ZNF354B: variants seen among roughly 807,000 people sequenced by gnomAD.
ZNF354B encodes the protein zinc finger protein 354B.
ZNF354B carries 10 observed loss-of-function variants against 12.9 expected under a neutral mutation model. The observed-to-expected ratio is 0.77, with a 90% CI of 0.48 to 1.31. ZNF354B has a LOEUF of 1.31. ZNF354B is among the 40% of genes most tolerant of loss of function. The pLI, the probability that ZNF354B is intolerant of heterozygous loss-of-function variation, is 0.00. For synonymous variants in ZNF354B, 260 were observed against 243.7 expected, an observed-to-expected ratio of 1.07 and a Z score of -0.62; for missense variants, 614 against 711.7, an observed-to-expected ratio of 0.86 and a Z score of 1.56.
rs1350231064 is a variant in ZNF354B at position 178,866,333 on chromosome 5, T to C, written c.123T>C (p.Asp41=). The part of the protein sequence containing the change: ...LAPSQRNLYR[D]VMLENYRNLV... ...CTTCTCAGAGAAACTTGTACCGGGA[T>C]GTGATGCTGGAGAACTATAGGAACC... Residue 41 remains aspartate (D), a synonymous_variant, in exon 3 of 5, where the codon GAT becomes GAC. Transcript: ENST00000322434. 10 of 1,614,036 alleles carry C rather than the reference T, an allele frequency of 6.2e-6. No homozygotes were observed. The highest frequency in any genetic ancestry group is 7.6e-6 in the Non-Finnish European group (9 of 1,179,954).
intron 4 of ZNF354B, among the ~76,000 whole-genome samples, chr5:178,877,866 C>T (rs1757661211): frequency 6.6e-6 from 1 of 152,210 alleles, no homozygotes; most frequent in Non-Finnish European, 1.5e-5. Flanking sequence ...TTGTATCAGA[C>T]AGATTCTGAC....
intron 4 of ZNF354B, among the ~76,000 whole-genome samples, chr5:178,871,811 C>T (rs549410475): frequency 7.2e-5 from 11 of 152,138 alleles, no homozygotes; most frequent in African/African-American, 2.2e-4. Flanking sequence ...CTGGGATGGC[C>T]GGTGTCATTC....
chr5:178,871,966 A>G (rs1040239386), intron 4 of ZNF354B, among the ~76,000 whole-genome samples: 2 of 152,248 alleles, frequency 1.3e-5, no homozygotes, highest in Non-Finnish European at 2.9e-5. Flanking sequence ...GAGAAGTAGT[A>G]TAGAAAGATT....
Position 178,883,812 on chromosome 5 carries a change from A to C in ZNF354B, c.1360A>C (p.Ile454Leu). 1.2e-6 allele frequency: 2 copies of C among 1,614,166 alleles called. No homozygotes were observed. Among genetic ancestry groups the C allele is most frequent in the Non-Finnish European group, 1.7e-6 (2 of 1,180,008 alleles). The change falls in exon 5 of 5, where the codon ATT becomes CTT. Residue 454 changes from isoleucine to leucine, a missense_variant. Ile to Leu is a conservative substitution (Grantham distance 5). Coordinates refer to ENST00000322434, the MANE Select transcript of ZNF354B (RefSeq NM_058230.3). ...GKALSSHSTL[I>L]IHERIHTGEK... ...AGCCTTAAGCTCCCACTCAACACTT[A>C]TTATTCATGAGCGAATTCATACTGG...
At chr5:178,863,736 G>A (rs1039000595) in intron 2 of ZNF354B, among the ~76,000 whole-genome samples, 2 of 152,230 alleles carry the variant, frequency 1.3e-5, no homozygotes, top group Non-Finnish European at 2.9e-5. Flanking sequence ...AGCTGCATGT[G>A]TGTCATTGCC....
Position 178,876,939 on chromosome 5 carries a change from T to C in ZNF354B, c.257-5770T>C, listed in dbSNP as rs1006644330. ...TATTTTTTTATGCCTTTTTTTTTTT[T>C]TGTCTTACAGTGTTGCAACTCGGGA... is the stretch of plus-strand genomic sequence containing the variant. On this transcript the variant is annotated intron_variant, in intron 4 of 4. Coordinates refer to ENST00000322434, the MANE Select transcript of ZNF354B (RefSeq NM_058230.3). Among the ~76,000 whole-genome samples the C allele has an allele frequency of 5.3e-5, 8 of 152,054 alleles. No homozygotes were observed. In the Middle Eastern group the frequency reaches 0.021, roughly 391 times the overall value.
intron 4 of ZNF354B, among the ~76,000 whole-genome samples, chr5:178,874,770 T>C (rs372782821): frequency 6.6e-6 from 1 of 152,246 alleles, no homozygotes; most frequent in African/African-American, 2.4e-5. Context: ...GCTGAGAAAC[T>C]AGTGCAGTCT....
chr5:178,866,949 T>TTTG (rs761573503), intron 3 of ZNF354B, 27 bp from the exon 4 acceptor site: 27 of 1,585,360 alleles, frequency 1.7e-5, no homozygotes, highest in South Asian at 1.6e-4. Flanking sequence ...GACTGAGACT[T>TTTG]TTGTTGTTGT....
intron 4 of ZNF354B, among the ~76,000 whole-genome samples, chr5:178,878,591 C>G (rs1297718817): frequency 1.3e-5 from 2 of 152,180 alleles, no homozygotes; most frequent in African/African-American, 4.8e-5. Context: ...CTTTCCTGTT[C>G]TAAAGCCTTT....
chr5:178,880,062 G>C (rs1316881415), intron 4 of ZNF354B, among the ~76,000 whole-genome samples: 3 of 152,142 alleles, frequency 2.0e-5, no homozygotes, highest in Non-Finnish European at 4.4e-5. Context: ...GGAGGTGGAG[G>C]TTGCAGTGAG....
chr5:178,860,914 C>T (rs1757336253), intron 1 of ZNF354B, 83 bp from the exon 2 acceptor site: 2 of 523,970 alleles, frequency 3.8e-6, no homozygotes, highest in Admixed American at 3.4e-5. Flanking sequence ...GGGTCCTTCT[C>T]AGCGGGAGTC....
chr5:178,883,493 T>A lies in ZNF354B; in HGVS notation c.1041T>A (p.Ile347=), dbSNP rs1215930957. 6.2e-7 allele frequency: 1 copy of A among 1,614,040 alleles called. No homozygotes were observed. The highest frequency in any genetic ancestry group is 8.5e-7 in the Non-Finnish European group (1 of 1,179,962). The part of the protein sequence containing the change: ...YSTSLSGSQK[I]HLRKKSYLCN... ...CTTCCCTTTCTGGAAGTCAGAAAAT[T>A]CATCTCAGAAAGAAGTCCTACTTAT... The change falls in exon 5 of 5, where the codon ATT becomes ATA. Residue 347 remains isoleucine (I), a synonymous_variant. Coordinates refer to ENST00000322434, the MANE Select transcript of ZNF354B (RefSeq NM_058230.3).
intron 4 of ZNF354B, among the ~76,000 whole-genome samples, chr5:178,870,429 A>G (rs1005790376): frequency 3.3e-5 from 5 of 152,168 alleles, no homozygotes; most frequent in African/African-American, 1.2e-4. Flanking sequence ...GGCACACGCC[A>G]CCATGCCGGG....
At chr5:178,871,903 T>C (rs75769045) in intron 4 of ZNF354B, among the ~76,000 whole-genome samples, 22,582 of 152,182 alleles carry the variant, frequency 0.15, 2,057 homozygotes, top group African/African-American at 0.25. Context: ...GGAATTTTAC[T>C]TTTTTTAGAA....
chr5:178,864,472 T>G (rs983665305), intron 2 of ZNF354B, among the ~76,000 whole-genome samples: 5 of 152,300 alleles, frequency 3.3e-5, no homozygotes, highest in African/African-American at 1.2e-4. Context: ...TTTCTCAGAA[T>G]GTACCTCCAT....
Position 178,867,086 on chromosome 5 carries a change from CGAGGTGCTCGG to C in ZNF354B, c.256+18_256+28del. On this transcript the variant is annotated intron_variant, in intron 4 of 4. Coordinates refer to ENST00000322434, the MANE Select transcript of ZNF354B (RefSeq NM_058230.3). ...CTCCTCTCTAGGTAAGTGGGTGGCC[CGAGGTGCTCGG>C]GAATGGCCGCAGACAATGGTCTGGT... 3 of 1,608,140 alleles carry C rather than the reference CGAGGTGCTCGG, an allele frequency of 1.9e-6. No individual in the cohort carries two copies. Among genetic ancestry groups the C allele is most frequent in the Non-Finnish European group, 2.6e-6 (3 of 1,176,160 alleles).
chr5:178,871,933 A>G (rs1757569016), intron 4 of ZNF354B, among the ~76,000 whole-genome samples: 1 of 152,210 alleles, frequency 6.6e-6, no homozygotes, highest in Non-Finnish European at 1.5e-5. Flanking sequence ...TTTTAAGATA[A>G]TAGTAGATTT....
chr5:178,868,947 T>C (rs573437859), intron 4 of ZNF354B, among the ~76,000 whole-genome samples: 6 of 146,462 alleles, frequency 4.1e-5, no homozygotes, highest in Admixed American at 2.7e-4. Context: ...ACTCCAGCCT[T>C]AGTGACAGAG....
At chr5:178,879,345 C>T (rs1320221750) in intron 4 of ZNF354B, among the ~76,000 whole-genome samples, 2 of 151,422 alleles carry the variant, frequency 1.3e-5, no homozygotes, top group African/African-American at 4.9e-5. Flanking sequence ...CTGTGCCCAG[C>T]CTGTGTGCTG....
Sources: allele counts gnomAD v4.1 joint callset (sites outside exome capture counted in the v4.1 genomes callset), GRCh38; gene constraint gnomAD v4.1.1; transcripts MANE v1.5; gene names NCBI Gene and HGNC (gene_info 2026-07-23, HGNC 2026-07-21).